The following ZBTB34 variants were observed in gnomAD, a reference collection of about 807,000 sequenced individuals.
ZBTB34 encodes zinc finger and BTB domain containing 34, also known as zinc finger and BTB domain-containing protein 34.
In ZBTB34, 1 loss-of-function variant was observed where a neutral mutation model predicts 33.4. The observed-to-expected ratio is 0.03, with a 90% CI of 0.01 to 0.14. ZBTB34 has a LOEUF of 0.14. Among genes scored for constraint, ZBTB34 ranks in the 10% least tolerant of loss-of-function variants. ZBTB34 has a pLI of 1.00. For synonymous variants in ZBTB34, 283 were observed against 253.5 expected, an observed-to-expected ratio of 1.12 and a Z score of -1.11; for missense variants, 406 against 657.2, an observed-to-expected ratio of 0.62 and a Z score of 4.18.
chr9:126,885,385 G>GGA (rs1331821593), exon 2 of ZBTB34: 2 of 167,072 alleles, frequency 1.2e-5, no homozygotes, highest in African/African-American at 2.4e-5. Flanking sequence ...CTTTGGACTT[G>GGA]CTGCCCAAGC....
rs117591771 is a variant in ZBTB34 at position 126,869,470 on chromosome 9, A to G, written c.-11+8731A>G. On this transcript the variant is annotated intron_variant, in intron 1 of 1. Transcript: ENST00000319119. The stretch of plus-strand genomic sequence containing the variant: ...ATGCCTGGCATGTATTACACATTCA[A>G]TAAAAGCTGGTCACGGATGATGACG... Among the ~76,000 whole-genome samples the G allele has an allele frequency of 6.5e-3, 992 of 152,206 alleles. 38 individuals carry two copies. The East Asian group carries it at 0.1, about 15-fold the overall frequency.
Position 126,880,641 on chromosome 9 carries a change from A to G in ZBTB34, c.1242A>G (p.Thr414=), listed in dbSNP as rs765641255. ...GCAAGTTCTGTGGGAAGAAGTACAC[A>G]CGGAAGGACCAACTGGAGTACCACA... The change falls in exon 2 of 2, where the codon ACA becomes ACG. Residue 414 remains threonine (T), a synonymous_variant. Transcript: ENST00000319119. The surrounding 1 kb of genome is among the most constrained non-coding windows in gnomAD (Gnocchi z 6.7). 6.2e-7 allele frequency: 1 copy of G among 1,613,900 alleles called. No homozygotes were observed. The highest frequency in any genetic ancestry group is 1.7e-5 in the Admixed American group (1 of 60,028).
chr9:126,870,427 A>G (rs2033262076), intron 1 of ZBTB34, among the ~76,000 whole-genome samples: 1 of 152,210 alleles, frequency 6.6e-6, no homozygotes, highest in African/African-American at 2.4e-5. Context: ...AATAATTTAA[A>G]TTCCCAGTCA....
intron 1 of ZBTB34, among the ~76,000 whole-genome samples, chr9:126,866,433 C>A (rs2033202577): frequency 1.3e-5 from 2 of 152,176 alleles, no homozygotes; most frequent in African/African-American, 2.4e-5. Context: ...TGAGCTGGGG[C>A]CACTGCATGC....
intron 1 of ZBTB34, among the ~76,000 whole-genome samples, chr9:126,877,730 C>G: frequency 6.6e-6 from 1 of 152,302 alleles, no homozygotes; most frequent in African/African-American, 2.4e-5. Context: ...CTTGGCAGAG[C>G]GCGGTGGCTC....
At chr9:126,871,335 G>T (rs751042902) in intron 1 of ZBTB34, among the ~76,000 whole-genome samples, 15 of 151,176 alleles carry the variant, frequency 9.9e-5, no homozygotes, top group Non-Finnish European at 1.9e-4. Context: ...ATAGGTCAGC[G>T]TGTATGTGCT....
intron 1 of ZBTB34, among the ~76,000 whole-genome samples, chr9:126,867,574 A>G (rs978106724): frequency 7.3e-5 from 11 of 150,882 alleles, no homozygotes; most frequent in Non-Finnish European, 1.6e-4. Context: ...TCAAATATGC[A>G]TATATTTTTC....
At position 126,880,782 on chromosome 9, in the gene ZBTB34, C is replaced by A. The variant is rs1173647138; in HGVS notation, c.1383C>A (p.Val461=). The change falls in exon 2 of 2, where the codon GTC becomes GTA. Residue 461 remains valine, a synonymous_variant. Transcript: ENST00000319119. This position sits in a 1 kb window ranked among gnomAD's most constrained non-coding sequence, Gnocchi z 6.7. ...AAAACCACCCAGGCGTTGCTGAAGT[C>A]AGGAGTCGCATTGAGTCCCCCGAGA... The A allele has an allele frequency of 6.2e-7, 1 of 1,613,746 alleles. No individual in the cohort carries two copies. The highest frequency in any genetic ancestry group is 1.3e-5 in the African/African-American group (1 of 75,026).
At chr9:126,884,204 A>G (rs1318385738) in exon 2 of ZBTB34, 1 of 167,098 alleles carries the variant, frequency 6.0e-6, no homozygotes, top group Non-Finnish European at 1.5e-5. Flanking sequence ...AGACAGTGAC[A>G]GCGTCCTTTT....
exon 2 of ZBTB34, chr9:126,881,002 T>G (rs2033432673): frequency 1.4e-6 from 2 of 1,389,120 alleles, no homozygotes; most frequent in South Asian, 3.0e-5. Flanking sequence ...TTCCCAACCA[T>G]CTGGAAATCT....
At chr9:126,868,039 G>A (rs1427639439) in intron 1 of ZBTB34, among the ~76,000 whole-genome samples, 1 of 152,154 alleles carries the variant, frequency 6.6e-6, no homozygotes, top group African/African-American at 2.4e-5. Context: ...GAAGAGCAGG[G>A]GCTTGAGTTA....
intron 1 of ZBTB34, among the ~76,000 whole-genome samples, chr9:126,861,424 C>T (rs2033142225): frequency 1.3e-5 from 2 of 152,190 alleles, no homozygotes; most frequent in Admixed American, 1.3e-4. Context: ...TGAGGCCTTC[C>T]GCAAGCCCCT....
chr9:126,860,792 A>G (rs1178581469), intron 1 of ZBTB34, 53 bp downstream of exon 1: 1 of 45,914 alleles, frequency 2.2e-5, no homozygotes, highest in Non-Finnish European at 4.8e-5. Context: ...CGGGCGGGGC[A>G]GGCGGGGCAG....
At chr9:126,863,404 C>T (rs895290295) in intron 1 of ZBTB34, among the ~76,000 whole-genome samples, 2 of 152,148 alleles carry the variant, frequency 1.3e-5, no homozygotes, top group Non-Finnish European at 1.5e-5. Flanking sequence ...AACTGTGTAC[C>T]TACTGAGTTT....
In ZBTB34 at chr9:126,879,246, G is replaced by T; in HGVS notation, c.-10-144G>T. 1.5e-6 allele frequency: 1 copy of T among 656,978 alleles called. No individual in the cohort carries two copies. The allele number at this position is 656,978 out of a possible 1,614,324, so 40.7% of individuals were successfully genotyped here. Reference sequence around the variant, plus strand: ...TAGGTGAATTAACCAAAACATGAAAGACTAAAACAAGGGGAAGAATGCTTC... The same window carrying T: ...TAGGTGAATTAACCAAAACATGAAATACTAAAACAAGGGGAAGAATGCTTC... On this transcript the variant is annotated intron_variant, in intron 1 of 1. Transcript: ENST00000319119. The surrounding 1 kb of genome is among the most constrained non-coding windows in gnomAD (Gnocchi z 6.4).
rs751276239 is a variant in ZBTB34 at position 126,879,911 on chromosome 9, A to G, written c.512A>G (p.Tyr171Cys). The change falls in exon 2 of 2, where the codon TAT (tyrosine) becomes TGT (cysteine). Residue 171 changes from tyrosine to cysteine, a missense_variant. This residue lies in a region of ZBTB34 where 137 missense variants were observed against 173.0 expected (regional missense o/e 0.79). Coordinates refer to ENST00000319119, the Ensembl canonical transcript of ZBTB34. This position sits in a 1 kb window ranked among gnomAD's most constrained non-coding sequence, Gnocchi z 6.4. The stretch of plus-strand genomic sequence containing the variant: ...AACCCAGTGGAGATCTCTCCTCCAT[A>G]TTGCTCTCAGGGACGGCAGCCCACC... 10 of 1,609,726 alleles carry G rather than the reference A, an allele frequency of 6.2e-6. No homozygotes were observed. Among genetic ancestry groups the G allele is most frequent in the South Asian group, 1.1e-5 (1 of 90,916 alleles).
At chr9:126,861,233 C>T (rs1054929807) in intron 1 of ZBTB34, among the ~76,000 whole-genome samples, 1 of 152,190 alleles carries the variant, frequency 6.6e-6, no homozygotes, top group South Asian at 2.1e-4. Flanking sequence ...CCGCCTTCCT[C>T]CAGGTAAACA....
intron 1 of ZBTB34, among the ~76,000 whole-genome samples, chr9:126,878,337 G>A (rs781169423): frequency 1.4e-4 from 21 of 151,956 alleles, no homozygotes; most frequent in Non-Finnish European, 2.5e-4. Flanking sequence ...GGGCATGGTA[G>A]CGCATGCCTG....
chr9:126,885,638 C>T (rs1213002928), exon 2 of ZBTB34: 2 of 167,022 alleles, frequency 1.2e-5, no homozygotes, highest in East Asian at 1.9e-4. Flanking sequence ...GCTAGCTAAG[C>T]GGATGCTGTA....
Sources: allele counts gnomAD v4.1 joint callset (sites outside exome capture counted in the v4.1 genomes callset), GRCh38; gene constraint gnomAD v4.1.1; regional missense constraint gnomAD v4.1.1; non-coding constraint Gnocchi (gnomAD v3.1); transcripts MANE v1.5; gene names NCBI Gene and HGNC (gene_info 2026-07-23, HGNC 2026-07-21).